Variants in DAAM2 observed in about 807,000 individuals in gnomAD.
DAAM2 encodes disheveled-associated activator of morphogenesis 2.
A neutral mutation model predicts 120.7 loss-of-function variants in DAAM2; 39 were observed. The ratio of observed to expected loss-of-function variants is 0.32; its 90% CI spans 0.25 to 0.42. The LOEUF is 0.42. DAAM2 is among the 10% of genes least tolerant of loss of function. DAAM2 has a pLI of 1.00. For missense variants in DAAM2, 1,283 were observed against 1,401.7 expected (o/e 0.92, Z 1.35); for synonymous variants, 488 against 524.9 (o/e 0.93, Z 0.96).
At chr6:39,838,305 C>T (rs1336936104) in intron 1 of DAAM2, among the ~76,000 whole-genome samples, 1 of 152,114 alleles carries the variant, frequency 6.6e-6, no homozygotes, top group African/African-American at 2.4e-5. Flanking sequence ...ATAGAAGAAA[C>T]GTGGATAAAT....
chr6:39,874,249 G>A (rs1261898099), intron 10 of DAAM2, among the ~76,000 whole-genome samples: 1 of 152,210 alleles, frequency 6.6e-6, no homozygotes, highest in Non-Finnish European at 1.5e-5. Flanking sequence ...GGGGTCAAGG[G>A]TTGAGATAAA....
chr6:39,801,697 C>T (rs1219873147), intron 1 of DAAM2, among the ~76,000 whole-genome samples: 5 of 152,246 alleles, frequency 3.3e-5, no homozygotes, highest in Non-Finnish European at 5.9e-5. Context: ...AGGTTATGTA[C>T]ACCCATTGTC....
intron 1 of DAAM2, among the ~76,000 whole-genome samples, chr6:39,810,801 C>T (rs150143274): frequency 6.6e-6 from 1 of 152,346 alleles, no homozygotes; most frequent in East Asian, 1.9e-4. Flanking sequence ...TCTGGTTCTT[C>T]CTGAGAGCTC....
chr6:39,903,748 CG>C lies in DAAM2; in HGVS notation c.*1718del, dbSNP rs3215717. 1.5e-3 allele frequency: 259 copies of C among 168,182 alleles called. 12 individuals carry two copies. In the East Asian group the frequency reaches 0.034, roughly 22 times the overall value. 10.4% of individuals were successfully genotyped at this position (168,182 alleles called of 1,614,324 possible). ...CCTGGGGCTGGGACCGTAGTAGCTG[CG>C]GGGGGGAAGAAACACAGGGTCGGTG... On this transcript the variant is annotated 3_prime_UTR_variant, in exon 25 of 25. Coordinates refer to ENST00000274867, the MANE Select transcript of DAAM2 (RefSeq NM_001201427.2).
chr6:39,809,342 G>A (rs575520566), intron 1 of DAAM2, among the ~76,000 whole-genome samples: 6 of 152,124 alleles, frequency 3.9e-5, no homozygotes, highest in South Asian at 2.1e-4. Context: ...TTGCTCTTCC[G>A]TGACCAACCT....
chr6:39,846,698 G>A (rs1187367289), intron 1 of DAAM2, among the ~76,000 whole-genome samples: 3 of 128,530 alleles, frequency 2.3e-5, no homozygotes, highest in South Asian at 5.0e-4. Context: ...CCACATCCAC[G>A]CTTTTTTTTT....
At chr6:39,858,430 A>C (rs1329575716) in intron 2 of DAAM2, among the ~76,000 whole-genome samples, 1 of 152,144 alleles carries the variant, frequency 6.6e-6, no homozygotes, top group East Asian at 1.9e-4. Flanking sequence ...GAGGAAAGAT[A>C]ATAGGACTTG....
chr6:39,870,287 T>C (rs1764604428), intron 7 of DAAM2, 53 bp from the exon 8 acceptor site: 1 of 1,135,290 alleles, frequency 8.8e-7, no homozygotes, highest in African/African-American at 1.5e-5. Flanking sequence ...ACTGGGGATG[T>C]TGTGGAAACT....
intron 15 of DAAM2, chr6:39,884,347 A>G (rs1309680351): frequency 2.1e-5 from 7 of 334,844 alleles, no homozygotes; most frequent in Non-Finnish European, 3.8e-5. Flanking sequence ...GTTCATATTT[A>G]TACACCAAGT....
At chr6:39,895,913 A>G (rs186545645) in intron 19 of DAAM2, among the ~76,000 whole-genome samples, 70 of 152,376 alleles carry the variant, frequency 4.6e-4, no homozygotes, top group Non-Finnish European at 9.6e-4. Flanking sequence ...CTTAAAAATG[A>G]CATTCAACAG....
In DAAM2 at chr6:39,891,698, G is replaced by C; in HGVS notation, c.2317G>C (p.Ala773Pro). Reference protein sequence around the residue: ...FFKKKFQERLAEAKPKVEAIL... With the variant: ...FFKKKFQERLPEAKPKVEAIL... ...CAAGAAGAAATTCCAGGAGCGGCTG[G>C]CTGAGGCAAAGCCCAAAGTGGAAGG... is the stretch of plus-strand genomic sequence containing the variant. Residue 773 changes from alanine to proline, a missense_variant, in exon 19 of 25, where the codon GCT becomes CCT. Coordinates refer to ENST00000274867, the MANE Select transcript of DAAM2 (RefSeq NM_001201427.2). 1 of 1,606,098 alleles carries C rather than the reference G, an allele frequency of 6.2e-7. No individual in the cohort carries two copies. Among genetic ancestry groups the C allele is most frequent in the Non-Finnish European group, 8.5e-7 (1 of 1,176,294 alleles).
At chr6:39,884,100 C>T (rs1434924655) in intron 15 of DAAM2, 31 bp downstream of exon 15, 1 of 1,233,078 alleles carries the variant, frequency 8.1e-7, no homozygotes, top group Admixed American at 1.9e-5. Flanking sequence ...GCCTCTTGGA[C>T]CATACCCTTG....
chr6:39,901,980 A>T lies in DAAM2; in HGVS notation c.3150A>T (p.Ser1050=). Residue 1050 remains serine (S), a synonymous_variant, in exon 25 of 25, where the codon TCA becomes TCT. Transcript: ENST00000274867. The surrounding 1 kb of genome is among the most constrained non-coding windows in gnomAD (Gnocchi z 4.5). ...LCKLKRSRKR[S]GSQALEVTRE... is the part of the protein sequence containing the mutation. ...AGCTCAAGCGCAGCCGCAAGCGATC[A>T]GGGAGCCAGGCCCTGGAAGTTACCC... 6.2e-7 allele frequency: 1 copy of T among 1,612,178 alleles called. No individual in the cohort carries two copies. The highest frequency in any genetic ancestry group is 1.1e-5 in the South Asian group (1 of 90,966).
chr6:39,811,276 C>T (rs146282673), intron 1 of DAAM2, among the ~76,000 whole-genome samples: 3 of 152,006 alleles, frequency 2.0e-5, no homozygotes, highest in Non-Finnish European at 4.4e-5. Context: ...GCCATTCTCA[C>T]GTGGCTAAAG....
chr6:39,816,577 A>G (rs1762316781), intron 1 of DAAM2, among the ~76,000 whole-genome samples: 2 of 152,182 alleles, frequency 1.3e-5, no homozygotes, highest in African/African-American at 4.8e-5. Context: ...CAGTTTTGAG[A>G]GCTGCTGGTC....
intron 14 of DAAM2, 77 bp downstream of exon 14, chr6:39,879,554 G>A (rs761843710): frequency 7.0e-6 from 11 of 1,580,004 alleles, no homozygotes; most frequent in Non-Finnish European, 9.6e-6. Context: ...CCCGCCCCTT[G>A]TTTACAGATC....
chr6:39,877,253 T>G (rs1373081897), intron 11 of DAAM2, among the ~76,000 whole-genome samples: 2 of 152,198 alleles, frequency 1.3e-5, no homozygotes, highest in Middle Eastern at 3.2e-3. Flanking sequence ...TGCCATCTCT[T>G]GTGCCAACGA....
chr6:39,859,626 GA>G (rs1473549929), intron 2 of DAAM2, among the ~76,000 whole-genome samples: 1 of 152,028 alleles, frequency 6.6e-6, no homozygotes, highest in Non-Finnish European at 1.5e-5. Context: ...GACTTAGTGT[GA>G]AAAAAGGAAT....
chr6:39,841,306 G>A (rs1392547073), intron 1 of DAAM2, among the ~76,000 whole-genome samples: 18 of 127,210 alleles, frequency 1.4e-4, no homozygotes, highest in East Asian at 1.1e-3. Context: ...CCTTGGGGAA[G>A]GGTTGGGGAG....
Sources: allele counts gnomAD v4.1 joint callset (sites outside exome capture counted in the v4.1 genomes callset), GRCh38; gene constraint gnomAD v4.1.1; non-coding constraint Gnocchi (gnomAD v3.1); transcripts MANE v1.5; gene names NCBI Gene and HGNC (gene_info 2026-07-23, HGNC 2026-07-21).